TRAPPC9: variants seen among roughly 807,000 people sequenced by gnomAD.
TRAPPC9 encodes trafficking protein particle complex subunit 9.
In TRAPPC9, 83 loss-of-function variants were observed where a neutral mutation model predicts 124.0. That is an observed-to-expected ratio of 0.67 (90% CI 0.56 to 0.80). The LOEUF is 0.80. Among genes scored for constraint, TRAPPC9 ranks in the 30% least tolerant of loss-of-function variants. The pLI, the probability that TRAPPC9 is intolerant of heterozygous loss-of-function variation, is 0.00. For synonymous variants in TRAPPC9, 638 were observed against 617.5 expected, an observed-to-expected ratio of 1.03 and a Z score of -0.49; for missense variants, 1,302 against 1,508.3, an observed-to-expected ratio of 0.86 and a Z score of 2.27.
intron 17 of TRAPPC9, among the ~76,000 whole-genome samples, chr8:140,160,402 T>C (rs2061726025): frequency 1.3e-5 from 2 of 152,048 alleles, no homozygotes; most frequent in Non-Finnish European, 2.9e-5. Context: ...AACCCAAACG[T>C]CCATCAATAA....
intron 21 of TRAPPC9, among the ~76,000 whole-genome samples, chr8:139,799,830 C>G (rs1216241407): frequency 6.6e-6 from 1 of 152,238 alleles, no homozygotes; most frequent in East Asian, 1.9e-4. Context: ...TTCAGAGCCC[C>G]ACACTGTGCC....
intron 21 of TRAPPC9, among the ~76,000 whole-genome samples, chr8:139,853,868 G>A (rs1040203599): frequency 6.6e-6 from 1 of 151,924 alleles, no homozygotes; most frequent in African/African-American, 2.4e-5. Context: ...TTTAGTTTTG[G>A]GTTTTCTAAT....
chr8:140,024,122 A>G, intron 17 of TRAPPC9, 43 bp from the exon 18 acceptor site: 1 of 1,606,382 alleles, frequency 6.2e-7, no homozygotes, highest in Non-Finnish European at 8.5e-7. Flanking sequence ...ACACATTAGT[A>G]ACTCTCTAGT....
At chr8:139,872,438 G>A (rs1007807584) in intron 21 of TRAPPC9, among the ~76,000 whole-genome samples, 3 of 144,480 alleles carry the variant, frequency 2.1e-5, no homozygotes, top group African/African-American at 7.6e-5. Context: ...GCTGGTGGAT[G>A]GGTTGGTGGG....
intron 17 of TRAPPC9, among the ~76,000 whole-genome samples, chr8:140,084,774 A>G (rs1369571755): frequency 1.3e-5 from 2 of 152,204 alleles, no homozygotes; most frequent in African/African-American, 4.8e-5. Flanking sequence ...CTGAAACCTC[A>G]AAGGGTAGGA....
At position 140,018,745 on chromosome 8, in the gene TRAPPC9, G is replaced by A. The variant is rs189007280; in HGVS notation, c.2699+5192C>T. On this transcript the variant is annotated intron_variant, in intron 18 of 22. Transcript: ENST00000438773. ...ACAATATTTATGTACATAATCATAT[G>A]TACCATACAAAGAAAGACATGTGAA... Among the ~76,000 whole-genome samples, 406 of 152,150 alleles carry A rather than the reference G, an allele frequency of 2.7e-3. 2 individuals are homozygous for A. The highest frequency in any genetic ancestry group is 4.4e-3 in the Non-Finnish European group (302 of 67,976).
In TRAPPC9 at chr8:140,217,599, A is replaced by C. The variant is rs1377082393; in HGVS notation, c.2556+3860T>G. Among the ~76,000 whole-genome samples the C allele has an allele frequency of 9.0e-5, 11 of 122,476 alleles. No individual in the cohort carries two copies. In the Admixed American group the frequency reaches 9.4e-4, roughly 10 times the overall value. 80.3% of individuals were successfully genotyped at this position (122,476 alleles called of 152,430 possible). ...CCCTACAGCTGTGTCAAAACAGTTTACAGACACATGTAAACACCTGCTCCC... is the reference window on the plus strand; with the variant it reads ...CCCTACAGCTGTGTCAAAACAGTTTCCAGACACATGTAAACACCTGCTCCC... On this transcript the variant is annotated intron_variant, in intron 17 of 22. Coordinates refer to ENST00000438773, the MANE Select transcript of TRAPPC9 (RefSeq NM_001160372.4).
intron 17 of TRAPPC9, among the ~76,000 whole-genome samples, chr8:140,201,469 A>T (rs1395024374): frequency 6.6e-6 from 1 of 152,218 alleles, no homozygotes; most frequent in Non-Finnish European, 1.5e-5. Flanking sequence ...TTTTTATAAC[A>T]ATCATTTGAT....
At chr8:140,137,146 AT>A (rs2061317589) in intron 17 of TRAPPC9, among the ~76,000 whole-genome samples, 1 of 152,138 alleles carries the variant, frequency 6.6e-6, no homozygotes, top group African/African-American at 2.4e-5. Context: ...CACACCCACC[AT>A]GGCCTGACAA....
chr8:140,279,622 C>T (rs548455028), intron 14 of TRAPPC9, among the ~76,000 whole-genome samples: 7 of 152,158 alleles, frequency 4.6e-5, no homozygotes, highest in Non-Finnish European at 1.0e-4. Flanking sequence ...GGCTCGGTGC[C>T]GTGGTGGCCG....
Position 140,006,488 on chromosome 8 carries a change from T to G in TRAPPC9, c.2699+17449A>C, listed in dbSNP as rs1157766389. Among the ~76,000 whole-genome samples the G allele has an allele frequency of 2.0e-5, 3 of 152,262 alleles. No individual in the cohort carries two copies. In the East Asian group the frequency reaches 5.8e-4, roughly 29 times the overall value. ...TAGAGTTACCATATGATCCAGCAAT[T>G]CCACTCCTAGGTTTGTACCCAAGAG... is the stretch of plus-strand genomic sequence containing the variant. On this transcript the variant is annotated intron_variant, in intron 18 of 22. Transcript: ENST00000438773.
At chr8:140,340,354 C>T (rs1361768734) in intron 9 of TRAPPC9, among the ~76,000 whole-genome samples, 1 of 152,228 alleles carries the variant, frequency 6.6e-6, no homozygotes, top group African/African-American at 2.4e-5. Flanking sequence ...GAAAGCCTAA[C>T]ATTTCACCAG....
At chr8:139,755,250 G>A (rs1819624992) in intron 21 of TRAPPC9, among the ~76,000 whole-genome samples, 1 of 152,226 alleles carries the variant, frequency 6.6e-6, no homozygotes, top group Non-Finnish European at 1.5e-5. Flanking sequence ...CTGTGGAGAA[G>A]CCAGCCAGGG....
intron 21 of TRAPPC9, among the ~76,000 whole-genome samples, chr8:139,791,282 T>C (rs933103367): frequency 1.3e-5 from 2 of 151,372 alleles, no homozygotes; most frequent in Non-Finnish European, 2.9e-5. Context: ...GGCGCCCGTC[T>C]CCCCTGCACA....
chr8:140,448,136 A>G (rs2132685950), intron 2 of TRAPPC9, among the ~76,000 whole-genome samples: 1 of 137,054 alleles, frequency 7.3e-6, no homozygotes, highest in Middle Eastern at 3.5e-3. Flanking sequence ...ACAGAGCAAG[A>G]CACCATCTCA....
intron 19 of TRAPPC9, chr8:139,931,938 A>G (rs1267567367): frequency 1.0e-5 from 2 of 193,254 alleles, no homozygotes; most frequent in Non-Finnish European, 2.1e-5. Flanking sequence ...AAGAATAAAA[A>G]TCACCCAGAG....
Position 140,179,707 on chromosome 8 carries a change from TC to T in TRAPPC9, c.2556+41751del, listed in dbSNP as rs539608709. ...ATTATGGATTTGTCCACTTCTCATTTCAATTTTGTCAGCTATTTGCTTCATG... is the reference window on the plus strand; with the variant it reads ...ATTATGGATTTGTCCACTTCTCATTTAATTTTGTCAGCTATTTGCTTCATG... On this transcript the variant is annotated intron_variant, in intron 17 of 22. Transcript: ENST00000438773. Among the ~76,000 whole-genome samples the T allele has an allele frequency of 9.9e-5, 15 of 152,266 alleles. No individual in the cohort carries two copies. In the East Asian group the frequency reaches 2.5e-3, roughly 25 times the overall value.
intron 17 of TRAPPC9, among the ~76,000 whole-genome samples, chr8:140,187,296 C>T (rs959132095): frequency 4.6e-5 from 7 of 152,196 alleles, no homozygotes; most frequent in South Asian, 2.1e-4. Flanking sequence ...GCCTTGGAGC[C>T]GATGCCCCAC....
chr8:140,049,546 C>G (rs574311848), intron 17 of TRAPPC9, among the ~76,000 whole-genome samples: 1 of 139,140 alleles, frequency 7.2e-6, no homozygotes, highest in African/African-American at 3.2e-5. Context: ...CTACAGGGCT[C>G]CCCCCCCCGA....
Sources: gnomAD v4.1 joint callset for allele counts (sites outside exome capture counted in the v4.1 genomes callset) on GRCh38, gnomAD v4.1.1 for gene constraint, MANE v1.5 for transcripts, NCBI Gene and HGNC (gene_info 2026-07-23, HGNC 2026-07-21) for gene names.